ASAP2: variants seen among roughly 807,000 people sequenced by gnomAD.
The protein encoded by ASAP2 is ArfGAP with SH3 domain, ankyrin repeat and PH domain 2.
In ASAP2, 45 loss-of-function variants were observed where a neutral mutation model predicts 131.4. The observed-to-expected ratio is 0.34, with a 90% CI of 0.27 to 0.44. ASAP2 has a LOEUF of 0.44. Among genes scored for constraint, ASAP2 ranks in the 20% least tolerant of loss-of-function variants. ASAP2 has a pLI of 1.00. For missense variants in ASAP2, 1,011 were observed against 1,297.0 expected (o/e 0.78, Z 3.39); for synonymous variants, 510 against 503.0 (o/e 1.01, Z -0.19).
intron 12 of ASAP2, among the ~76,000 whole-genome samples, chr2:9,355,064 C>T (rs78968854): frequency 0.042 from 6,384 of 152,268 alleles, 360 homozygotes; most frequent in African/African-American, 0.12. Context: ...CTTCTGTTAA[C>T]ATCTTAATAC....
intron 1 of ASAP2, among the ~76,000 whole-genome samples, chr2:9,221,019 C>T (rs1039206558): frequency 6.6e-6 from 1 of 152,086 alleles, no homozygotes; most frequent in African/African-American, 2.4e-5. Flanking sequence ...TTATGCCTAT[C>T]CTTTATGCTA....
At chr2:9,368,353 G>A (rs1417002798) in intron 15 of ASAP2, 72 bp from the exon 16 acceptor site, 1 of 1,336,100 alleles carries the variant, frequency 7.5e-7, no homozygotes, top group Non-Finnish European at 1.1e-6. Context: ...ATCATCAGAT[G>A]GGGATGGGTA....
Position 9,385,365 on chromosome 2 carries a change from G to C in ASAP2, c.2130+7G>C. 1 of 1,605,306 alleles carries C rather than the reference G, an allele frequency of 6.2e-7. No homozygotes were observed. Among genetic ancestry groups the C allele is most frequent in the Non-Finnish European group, 8.5e-7 (1 of 1,171,872 alleles). ...CATGGATGAGAAATTGCAGGTCTGTGCCAGGTTGCTAACCATTAAGAGTTT... is the reference window on the plus strand; with the variant it reads ...CATGGATGAGAAATTGCAGGTCTGTCCCAGGTTGCTAACCATTAAGAGTTT... On this transcript the variant is annotated splice_region_variant and intron_variant, in intron 21 of 27. Coordinates refer to ENST00000281419, the MANE Select transcript of ASAP2 (RefSeq NM_003887.3).
Position 9,207,350 on chromosome 2 carries a change from C to A in ASAP2, c.126+120C>A. ...GCTCCGAAGCCGGACGCGGCCGGGC[C>A]AACCCTGCCCGAGACAGAAGCCCTT... On this transcript the variant is annotated intron_variant, in intron 1 of 27. Coordinates refer to ENST00000281419, the MANE Select transcript of ASAP2 (RefSeq NM_003887.3). This position sits in a 1 kb window ranked among gnomAD's most constrained non-coding sequence, Gnocchi z 4.1. 7.5e-7 allele frequency: 1 copy of A among 1,333,992 alleles called. No individual in the cohort carries two copies. The highest frequency in any genetic ancestry group is 9.8e-7 in the Non-Finnish European group (1 of 1,020,532). The allele number at this position is 1,333,992 out of a possible 1,614,324, so 82.6% of individuals were successfully genotyped here.
chr2:9,317,661 A>G (rs1669861772), intron 3 of ASAP2, among the ~76,000 whole-genome samples: 3 of 146,762 alleles, frequency 2.0e-5, no homozygotes, highest in Admixed American at 2.0e-4. Flanking sequence ...CACTTACACA[A>G]TCACTCACAT....
At chr2:9,400,931 G>GC in intron 26 of ASAP2, 101 bp downstream of exon 26, 3 of 1,221,066 alleles carry the variant, frequency 2.5e-6, no homozygotes, top group Non-Finnish European at 2.3e-6. Context: ...TCTTCCCCTG[G>GC]CTGGGGCAGG....
At chr2:9,226,192 T>C (rs1369539115) in intron 1 of ASAP2, among the ~76,000 whole-genome samples, 2 of 152,156 alleles carry the variant, frequency 1.3e-5, no homozygotes, top group Non-Finnish European at 1.5e-5. Flanking sequence ...ACACCAGAAA[T>C]CAACATTATA....
At chr2:9,363,149 A>G (rs544349332) in intron 15 of ASAP2, among the ~76,000 whole-genome samples, 1 of 152,308 alleles carries the variant, frequency 6.6e-6, no homozygotes, top group South Asian at 2.1e-4. Flanking sequence ...CAGGTCGAAT[A>G]GTATTCCATT....
At chr2:9,333,198 G>A (rs898313868) in intron 7 of ASAP2, among the ~76,000 whole-genome samples, 1 of 152,154 alleles carries the variant, frequency 6.6e-6, no homozygotes, top group African/African-American at 2.4e-5. Context: ...AGTCTCCTTG[G>A]TATCTAATAA....
rs773560263 is a variant in ASAP2, at chr2:9,385,307, A to C, written c.2079A>C (p.Leu693=). Residue 693 remains leucine, a synonymous_variant, in exon 21 of 28, where the codon CTA becomes CTC. Transcript: ENST00000281419. ...SHVHVEYEWR[L]LHEDLDESDD... ...TTCACGTTGAATATGAATGGCGACTACTCCACGAAGACCTGGATGAAAGTG... is the reference window on the plus strand; with the variant it reads ...TTCACGTTGAATATGAATGGCGACTCCTCCACGAAGACCTGGATGAAAGTG... 6.2e-7 allele frequency: 1 copy of C among 1,614,058 alleles called. No homozygotes were observed. The highest frequency in any genetic ancestry group is 1.3e-5 in the African/African-American group (1 of 74,916).
chr2:9,238,956 A>G (rs149839966), intron 1 of ASAP2, among the ~76,000 whole-genome samples: 1,909 of 152,092 alleles, frequency 0.013, 22 homozygotes, highest in Middle Eastern at 0.037. Context: ...CTCTTGCTGT[A>G]CTGTGTTCCC....
chr2:9,258,561 C>T (rs1665340488), intron 1 of ASAP2, among the ~76,000 whole-genome samples: 1 of 152,038 alleles, frequency 6.6e-6, no homozygotes, highest in Non-Finnish European at 1.5e-5. Context: ...CCATGGTGCC[C>T]CCGCCGCCAC....
At chr2:9,211,629 T>C (rs1661567593) in intron 1 of ASAP2, among the ~76,000 whole-genome samples, 1 of 152,204 alleles carries the variant, frequency 6.6e-6, no homozygotes, top group Non-Finnish European at 1.5e-5. Flanking sequence ...TTTGTTGTCC[T>C]TGGTTACCTT....
chr2:9,396,636 T>G (rs1019198572), intron 24 of ASAP2, among the ~76,000 whole-genome samples: 1 of 152,206 alleles, frequency 6.6e-6, no homozygotes, highest in Non-Finnish European at 1.5e-5. Context: ...GTAAATGTAC[T>G]TAAATCTGCC....
chr2:9,305,503 G>A (rs1444515394), intron 3 of ASAP2, among the ~76,000 whole-genome samples: 1 of 139,484 alleles, frequency 7.2e-6, no homozygotes. Flanking sequence ...AGAGGCTGTA[G>A]TAGTGGGGTA....
At chr2:9,215,895 G>C (rs946745947) in intron 1 of ASAP2, among the ~76,000 whole-genome samples, 5 of 152,144 alleles carry the variant, frequency 3.3e-5, no homozygotes, top group African/African-American at 4.8e-5. Flanking sequence ...GGTGCCCTCT[G>C]TTCTTTCAGG....
intron 24 of ASAP2, chr2:9,399,604 C>T: frequency 5.1e-6 from 1 of 195,398 alleles, no homozygotes; most frequent in South Asian, 1.0e-4. Context: ...GAGGCATGGA[C>T]AGCGCTGACC....
intron 15 of ASAP2, among the ~76,000 whole-genome samples, chr2:9,359,843 A>T (rs1199683033): frequency 1.3e-5 from 2 of 152,234 alleles, no homozygotes; most frequent in Non-Finnish European, 1.5e-5. Flanking sequence ...CTTGAAAGAC[A>T]GAGTTGGGAG....
chr2:9,321,421 G>GTCCA (rs1215874615), intron 5 of ASAP2, among the ~76,000 whole-genome samples: 1 of 152,176 alleles, frequency 6.6e-6, no homozygotes, highest in Non-Finnish European at 1.5e-5. Flanking sequence ...AACCCTGCAG[G>GTCCA]TCCATTCAGC....
Sources: allele counts gnomAD v4.1 joint callset (sites outside exome capture counted in the v4.1 genomes callset), GRCh38; gene constraint gnomAD v4.1.1; non-coding constraint Gnocchi (gnomAD v3.1); transcripts MANE v1.5; gene names NCBI Gene and HGNC (gene_info 2026-07-23, HGNC 2026-07-21).